Variants in RAD50 observed in about 807,000 individuals in gnomAD.
RAD50 encodes the protein RAD50 double strand break repair protein.
RAD50 carries 132 observed loss-of-function variants against 168.8 expected under a neutral mutation model. The observed-to-expected ratio is 0.78, with a 90% CI of 0.68 to 0.90. RAD50 has a LOEUF of 0.90. RAD50 is among the 40% of genes least tolerant of loss of function. RAD50 has a pLI of 0.00. For synonymous variants in RAD50, 525 were observed against 497.4 expected (o/e 1.06, Z -0.74); for missense variants, 1,347 against 1,534.4 (o/e 0.88, Z 2.04).
intron 9 of RAD50, among the ~76,000 whole-genome samples, chr5:132,590,178 A>G (rs1167217694): frequency 2.0e-5 from 3 of 152,186 alleles, no homozygotes; most frequent in African/African-American, 2.4e-5. Context: ...TTGATTAAGA[A>G]CACTTACCAG....
rs892068690 is a variant in RAD50, at chr5:132,559,399, T to C, written c.213+32T>C. ...GTGCTAGTACAATTTTGTATTTTTATAATTATAAAAATGATAATAGCTTAT... is the reference window on the plus strand; with the variant it reads ...GTGCTAGTACAATTTTGTATTTTTACAATTATAAAAATGATAATAGCTTAT... On this transcript the variant is annotated intron_variant, in intron 2 of 24. Coordinates refer to ENST00000378823, the MANE Select transcript of RAD50 (RefSeq NM_005732.4). 3 of 1,578,248 alleles carry C rather than the reference T, an allele frequency of 1.9e-6. No individual in the cohort carries two copies. The African/African-American group carries it at 4.1e-5, about 21-fold the overall frequency.
chr5:132,642,922 T>TG lies in RAD50; in HGVS notation c.*562dup, dbSNP rs1683931693. 2.2e-6 allele frequency: 1 copy of TG among 451,568 alleles called. No individual in the cohort carries two copies. The highest frequency in any genetic ancestry group is 2.0e-5 in the African/African-American group (1 of 50,840). The allele number at this position is 451,568 out of a possible 1,614,324, so 28.0% of individuals were successfully genotyped here. On this transcript the variant is annotated 3_prime_UTR_variant, in exon 25 of 25. Coordinates refer to ENST00000378823, the MANE Select transcript of RAD50 (RefSeq NM_005732.4). ...CCAACTAAAATTTGAAGTAGTTGAA[T>TG]GGGGTCTCAAAGTTTGACAGGAACC...
intron 11 of RAD50, chr5:132,593,152 G>A: frequency 4.8e-6 from 1 of 206,730 alleles, no homozygotes; most frequent in South Asian, 7.4e-5. Flanking sequence ...ATTTGTTTGG[G>A]GCATTGATCT....
chr5:132,574,792 A>T (rs1229807462), intron 2 of RAD50, among the ~76,000 whole-genome samples: 1 of 152,196 alleles, frequency 6.6e-6, no homozygotes, highest in Admixed American at 6.5e-5. Flanking sequence ...AAAGGTCCAC[A>T]CATTCCTAGG....
intron 5 of RAD50, among the ~76,000 whole-genome samples, chr5:132,580,419 G>C (rs2522399): frequency 0.11 from 16,390 of 152,086 alleles, 2,798 homozygotes; most frequent in African/African-American, 0.37. Flanking sequence ...TTAAATTGCT[G>C]AAAGAGCTTG....
intron 21 of RAD50, among the ~76,000 whole-genome samples, chr5:132,627,846 A>G (rs895319879): frequency 6.6e-6 from 1 of 152,172 alleles, no homozygotes; most frequent in South Asian, 2.1e-4. Flanking sequence ...ACTGATGAGG[A>G]GACTTGTAGT....
At chr5:132,592,071 T>A (rs1561641184) in intron 11 of RAD50, 37 bp downstream of exon 11, 10 of 1,563,434 alleles carry the variant, frequency 6.4e-6, no homozygotes, top group Non-Finnish European at 8.8e-6. Context: ...TAGAAATCTC[T>A]TATTTCATGC....
intron 21 of RAD50, among the ~76,000 whole-genome samples, chr5:132,633,363 C>G (rs750830126): frequency 3.3e-5 from 5 of 152,058 alleles, no homozygotes; most frequent in Non-Finnish European, 5.9e-5. Flanking sequence ...CCTTGGCCTC[C>G]TAAAGTGTTG....
At chr5:132,636,740 C>T (rs1400317471) in intron 21 of RAD50, among the ~76,000 whole-genome samples, 5 of 152,188 alleles carry the variant, frequency 3.3e-5, no homozygotes, top group Admixed American at 3.3e-4. Flanking sequence ...CCGTGAGTAT[C>T]AGTGGAAGCA....
intron 2 of RAD50, among the ~76,000 whole-genome samples, chr5:132,570,322 TATAAA>T (rs1382652270): frequency 6.6e-6 from 1 of 152,126 alleles, no homozygotes; most frequent in Non-Finnish European, 1.5e-5. Context: ...CCTTAACTAA[TATAAA>T]AGGAATAATG....
intron 13 of RAD50, 78 bp from the exon 14 acceptor site, chr5:132,603,222 T>TC: frequency 7.6e-7 from 1 of 1,319,100 alleles, no homozygotes; most frequent in Non-Finnish European, 1.1e-6. Context: ...TCTGTGGTAT[T>TC]CTTCCTAAAA....
At position 132,637,227 on chromosome 5, in the gene RAD50, C is replaced by T. The variant is rs758374054; in HGVS notation, c.3475+27C>T. 25 of 1,604,682 alleles carry T rather than the reference C, an allele frequency of 1.6e-5. No individual in the cohort carries two copies. In the Admixed American group the frequency reaches 2.3e-4, roughly 15 times the overall value. The stretch of plus-strand genomic sequence containing the variant: ...TGAGTACCATGGTGTATCACAAATG[C>T]TCTTTCCAAAGCCCTCTCCGCAGCT... On this transcript the variant is annotated intron_variant, in intron 22 of 24. Transcript: ENST00000378823.
chr5:132,637,299 CCTTT>C, intron 22 of RAD50, 99 bp downstream of exon 22: 1 of 1,504,124 alleles, frequency 6.6e-7, no homozygotes, highest in Non-Finnish European at 9.0e-7. Context: ...TCCCTGGACC[CCTTT>C]CTAAGCATGT....
At chr5:132,604,150 T>C (rs1750939145) in intron 15 of RAD50, 104 bp downstream of exon 15, 3 of 1,378,788 alleles carry the variant, frequency 2.2e-6, no homozygotes, top group Admixed American at 3.6e-5. Flanking sequence ...CGAAGTTCCT[T>C]CCTGTCCACA....
At chr5:132,630,209 A>G (rs1162821881) in intron 21 of RAD50, among the ~76,000 whole-genome samples, 3 of 151,728 alleles carry the variant, frequency 2.0e-5, no homozygotes, top group African/African-American at 7.3e-5. Context: ...CACCCGGCTA[A>G]TTTTTTGTAT....
chr5:132,610,027 G>GTA (rs10598599), intron 19 of RAD50, among the ~76,000 whole-genome samples: 5,620 of 148,416 alleles, frequency 0.038, 237 homozygotes, highest in Admixed American at 0.13. Flanking sequence ...AGGTGTGTGT[G>GTA]TATATATATA....
intron 19 of RAD50, among the ~76,000 whole-genome samples, chr5:132,611,332 A>G (rs1751081531): frequency 6.6e-6 from 1 of 151,460 alleles, no homozygotes; most frequent in Non-Finnish European, 1.5e-5. Context: ...CAGAGATTGC[A>G]GTGAGCCGAG....
At chr5:132,600,552 T>C (rs1278890616) in intron 13 of RAD50, among the ~76,000 whole-genome samples, 1 of 152,224 alleles carries the variant, frequency 6.6e-6, no homozygotes, top group Non-Finnish European at 1.5e-5. Flanking sequence ...CAGTATCTAA[T>C]ATAAACCTAA....
chr5:132,619,819 T>TCTCTCTCTACTC lies in RAD50; in HGVS notation c.3389+1533_3389+1534insACTCCTCTCTCT, dbSNP rs1561651572. On this transcript the variant is annotated intron_variant, in intron 21 of 24. Coordinates refer to ENST00000378823, the MANE Select transcript of RAD50 (RefSeq NM_005732.4). ...CTCTCTCTCTCTCTCTCTACTCCTC[T>TCTCTCTCTACTC]CTCTCTCTCTCTCTCTCTATATATA... Among the ~76,000 whole-genome samples, 184 of 116,290 alleles carry TCTCTCTCTACTC rather than the reference T, an allele frequency of 1.6e-3. 1 individual carries two copies. The highest frequency in any genetic ancestry group is 7.7e-3 in the African/African-American group (165 of 21,516). 76.3% of individuals were successfully genotyped at this position (116,290 alleles called of 152,430 possible).
Sources: allele counts gnomAD v4.1 joint callset (sites outside exome capture counted in the v4.1 genomes callset), GRCh38; gene constraint gnomAD v4.1.1; transcripts MANE v1.5; gene names NCBI Gene and HGNC (gene_info 2026-07-23, HGNC 2026-07-21).